Variants in G2E3 observed in about 807,000 individuals in gnomAD.
G2E3 encodes the protein G2/M phase-specific E3 ubiquitin-protein ligase.
Under a neutral mutation model 92.8 loss-of-function variants are expected in G2E3, and 35 were observed. The observed-to-expected ratio is 0.38, with a 90% CI of 0.29 to 0.50. G2E3 has a LOEUF of 0.50. Among genes scored for constraint, G2E3 ranks in the 20% least tolerant of loss-of-function variants. G2E3 has a pLI of 0.94. For synonymous variants in G2E3, 242 were observed against 272.4 expected, an observed-to-expected ratio of 0.89 and a Z score of 1.10; for missense variants, 554 against 823.8, an observed-to-expected ratio of 0.67 and a Z score of 4.01.
chr14:30,608,460 A>G (rs1368582198), intron 12 of G2E3, among the ~76,000 whole-genome samples: 2 of 152,188 alleles, frequency 1.3e-5, no homozygotes, highest in African/African-American at 4.8e-5. Flanking sequence ...GAGAGGAAGG[A>G]TTTGGCTTAC....
chr14:30,604,391 C>A (rs553337859), intron 10 of G2E3, among the ~76,000 whole-genome samples: 11 of 152,260 alleles, frequency 7.2e-5, no homozygotes, highest in Admixed American at 6.5e-4. Context: ...GGGCATTGCC[C>A]AAAACAAGAT....
At chr14:30,597,761 A>C (rs1477273995) in intron 7 of G2E3, among the ~76,000 whole-genome samples, 3 of 152,194 alleles carry the variant, frequency 2.0e-5, no homozygotes, top group Non-Finnish European at 2.9e-5. Context: ...AGCTATGTCC[A>C]ATTTTAATTG....
At chr14:30,565,821 C>A (rs1879397084) in intron 1 of G2E3, among the ~76,000 whole-genome samples, 1 of 151,690 alleles carries the variant, frequency 6.6e-6, no homozygotes, top group African/African-American at 2.4e-5. Context: ...ACCACCACAC[C>A]CGGCTAATTT....
At chr14:30,600,210 T>C (rs1881498891) in intron 8 of G2E3, among the ~76,000 whole-genome samples, 1 of 152,204 alleles carries the variant, frequency 6.6e-6, no homozygotes, top group South Asian at 2.1e-4. Context: ...AGTCAGCTAC[T>C]ACTTAATTGT....
chr14:30,587,113 C>T (rs1880752570), intron 3 of G2E3, among the ~76,000 whole-genome samples: 1 of 152,100 alleles, frequency 6.6e-6, no homozygotes, highest in African/African-American at 2.4e-5. Flanking sequence ...GGAGGTATTT[C>T]TTTTACCACT....
intron 13 of G2E3, among the ~76,000 whole-genome samples, chr14:30,613,413 G>C (rs547635092): frequency 6.6e-6 from 1 of 152,230 alleles, no homozygotes; most frequent in Non-Finnish European, 1.5e-5. Flanking sequence ...ATATGTCTTG[G>C]ACCAGTATAA....
chr14:30,580,788 T>G (rs74041244), intron 1 of G2E3: 12 of 319,490 alleles, frequency 3.8e-5, no homozygotes, highest in Non-Finnish European at 7.0e-5. Context: ...TAGGACTGTT[T>G]GGAGCATTGC....
At chr14:30,594,179 TAA>T (rs1164504229) in intron 6 of G2E3, among the ~76,000 whole-genome samples, 1 of 152,184 alleles carries the variant, frequency 6.6e-6, no homozygotes, top group Non-Finnish European at 1.5e-5. Flanking sequence ...TAGAATATGA[TAA>T]GACATAACAT....
intron 1 of G2E3, among the ~76,000 whole-genome samples, chr14:30,562,013 G>A (rs1879130354): frequency 6.6e-6 from 1 of 151,992 alleles, no homozygotes. Context: ...CAGGAGCAAT[G>A]TTTGTTAATA....
rs192760401 is a variant in G2E3, at chr14:30,614,122, G to A, written c.1674-1227G>A. Among the ~76,000 whole-genome samples, 233 of 152,224 alleles carry A rather than the reference G, an allele frequency of 1.5e-3. 3 individuals are homozygous for A. Among genetic ancestry groups the A allele is most frequent in the East Asian group, 3.9e-4 (2 of 5,178 alleles). ...ATATATTGAAAGTATATACAAAGAA[G>A]TATAGGTTTCATCCTTACTATGTCC... On this transcript the variant is annotated intron_variant, in intron 13 of 14. Coordinates refer to ENST00000206595, the MANE Select transcript of G2E3 (RefSeq NM_017769.5).
chr14:30,610,801 G>A (rs2138911060), intron 12 of G2E3, among the ~76,000 whole-genome samples: 1 of 152,210 alleles, frequency 6.6e-6, no homozygotes, highest in Admixed American at 6.5e-5. Context: ...GGTAAGAGTT[G>A]GCAAAAAATG....
chr14:30,562,038 A>T (rs780034857), intron 1 of G2E3, among the ~76,000 whole-genome samples: 23 of 152,322 alleles, frequency 1.5e-4, no homozygotes, highest in Non-Finnish European at 2.4e-4. Context: ...TGAATTTAAA[A>T]TGCTTTATAC....
intron 2 of G2E3, among the ~76,000 whole-genome samples, chr14:30,581,801 T>A (rs193006093): frequency 1.3e-5 from 2 of 152,298 alleles, no homozygotes; most frequent in East Asian, 1.9e-4. Context: ...GACCTTTGCT[T>A]TTAATTGTTG....
intron 6 of G2E3, among the ~76,000 whole-genome samples, chr14:30,596,264 T>G (rs1294981902): frequency 2.0e-5 from 3 of 152,026 alleles, no homozygotes; most frequent in African/African-American, 7.2e-5. Context: ...CTTAGTATAT[T>G]CTGTGTATCC....
chr14:30,603,408 T>C (rs1390381263), intron 10 of G2E3, among the ~76,000 whole-genome samples: 1 of 152,186 alleles, frequency 6.6e-6, no homozygotes, highest in East Asian at 1.9e-4. Context: ...TACATCTTTA[T>C]AATGTTGGGT....
At chr14:30,561,346 T>C (rs1227919844) in intron 1 of G2E3, among the ~76,000 whole-genome samples, 1 of 152,228 alleles carries the variant, frequency 6.6e-6, no homozygotes, top group Non-Finnish European at 1.5e-5. Context: ...AAAAGTAATA[T>C]TTCTTGCCTC....
intron 2 of G2E3, among the ~76,000 whole-genome samples, chr14:30,583,652 T>C (rs559563595): frequency 1.4e-4 from 21 of 152,288 alleles, no homozygotes; most frequent in African/African-American, 5.1e-4. Context: ...TTAGTAAATT[T>C]TAAGTATTCT....
intron 13 of G2E3, among the ~76,000 whole-genome samples, chr14:30,612,990 G>T (rs1481942085): frequency 1.3e-5 from 2 of 152,066 alleles, no homozygotes; most frequent in African/African-American, 2.4e-5. Context: ...CTGTCTCTGT[G>T]CATTCATTTA....
intron 1 of G2E3, among the ~76,000 whole-genome samples, chr14:30,570,154 T>TA (rs1443053575): frequency 6.6e-6 from 1 of 152,212 alleles, no homozygotes. Flanking sequence ...CACTGCCTTC[T>TA]GGAACTCTAT....
Sources: gnomAD v4.1 joint callset for allele counts (sites outside exome capture counted in the v4.1 genomes callset) on GRCh38, gnomAD v4.1.1 for gene constraint, MANE v1.5 for transcripts, NCBI Gene and HGNC (gene_info 2026-07-23, HGNC 2026-07-21) for gene names.